PTPRR: variants seen among roughly 807,000 people sequenced by gnomAD.
PTPRR encodes protein tyrosine phosphatase receptor type R.
PTPRR carries 38 observed loss-of-function variants against 77.2 expected under a neutral mutation model. The ratio of observed to expected loss-of-function variants is 0.49; its 90% confidence interval spans 0.38 to 0.65. The LOEUF is 0.65. Ranked by LOEUF, PTPRR falls within the 30% of genes least tolerant of loss-of-function variation. PTPRR has a pLI of 0.00. For synonymous variants in PTPRR, 299 were observed against 283.1 expected, an observed-to-expected ratio of 1.06 and a Z score of -0.57; for missense variants, 744 against 799.2, an observed-to-expected ratio of 0.93 and a Z score of 0.83.
intron 2 of PTPRR, among the ~76,000 whole-genome samples, chr12:70,840,810 C>A (rs1247966407): frequency 6.6e-6 from 1 of 151,962 alleles, no homozygotes; most frequent in African/African-American, 2.4e-5. Flanking sequence ...CACTGAATTG[C>A]AAGGAGGTAA....
intron 2 of PTPRR, among the ~76,000 whole-genome samples, chr12:70,798,868 G>A (rs564016855): frequency 6.6e-6 from 1 of 150,814 alleles, no homozygotes; most frequent in African/African-American, 2.4e-5. Context: ...TTAGCTCTTT[G>A]AGGAGTAAGC....
At chr12:70,793,683 C>T (rs1057348801) in intron 2 of PTPRR, among the ~76,000 whole-genome samples, 5 of 152,160 alleles carry the variant, frequency 3.3e-5, no homozygotes, top group Admixed American at 2.6e-4. Flanking sequence ...TTCCATCAAA[C>T]GAGGGTAATT....
rs555225471 is a variant in PTPRR, at chr12:70,729,580, C to T, written c.1007+16238G>A. On this transcript the variant is annotated intron_variant, in intron 6 of 13. Coordinates refer to ENST00000283228, the MANE Select transcript of PTPRR (RefSeq NM_002849.4). Reference sequence around the variant, plus strand: ...CTATATTTTTGGCCTTTTGAGAGGCCCCCAGCTCTAAAATATTAACACTTA... The same window carrying T: ...CTATATTTTTGGCCTTTTGAGAGGCTCCCAGCTCTAAAATATTAACACTTA... Among the ~76,000 whole-genome samples, 12 of 152,100 alleles carry T rather than the reference C, an allele frequency of 7.9e-5. No homozygotes were observed. In the Middle Eastern group the frequency reaches 0.01, roughly 129 times the overall value.
intron 12 of PTPRR, among the ~76,000 whole-genome samples, chr12:70,659,766 G>A (rs1363328391): frequency 6.6e-6 from 1 of 152,092 alleles, no homozygotes; most frequent in Non-Finnish European, 1.5e-5. Context: ...CTCAAAAAAG[G>A]AGGCTAAAAT....
chr12:70,893,039 A>G (rs1893366763), intron 1 of PTPRR, 62 bp from the exon 2 acceptor site: 2 of 1,520,372 alleles, frequency 1.3e-6, no homozygotes, highest in Admixed American at 1.8e-5. Flanking sequence ...AGGTAGATAT[A>G]TCTGATGAAG....
At chr12:70,687,100 C>T (rs758470156) in intron 8 of PTPRR, among the ~76,000 whole-genome samples, 20 of 151,834 alleles carry the variant, frequency 1.3e-4, no homozygotes, top group African/African-American at 2.4e-4. Context: ...AATTCTATAA[C>T]GTACATACTG....
chr12:70,889,328 C>T (rs185136644), intron 2 of PTPRR, among the ~76,000 whole-genome samples: 18 of 152,204 alleles, frequency 1.2e-4, no homozygotes, highest in East Asian at 9.7e-4. Flanking sequence ...ATGAGAAAGC[C>T]GGACTTTCAA....
rs7298378 is a variant in PTPRR, at chr12:70,680,604, A to T, written c.1497+3523T>A. On this transcript the variant is annotated intron_variant, in intron 10 of 13. Transcript: ENST00000283228. ...ACTTGGCTGGTGAGCACAAGAACAAATCCACTGGTTAAGGTGGGGACCCGC... is the reference window on the plus strand; with the variant it reads ...ACTTGGCTGGTGAGCACAAGAACAATTCCACTGGTTAAGGTGGGGACCCGC... Among the ~76,000 whole-genome samples the T allele has an allele frequency of 2.2e-4, 33 of 152,104 alleles. No homozygotes were observed. The South Asian group carries it at 6.0e-3, about 28-fold the overall frequency.
At chr12:70,651,620 A>G (rs1886398534) in intron 13 of PTPRR, among the ~76,000 whole-genome samples, 2 of 152,156 alleles carry the variant, frequency 1.3e-5, no homozygotes, top group African/African-American at 4.8e-5. Context: ...TGTTTTTAAG[A>G]GGTGGAGTTT....
At chr12:70,859,016 G>A (rs1416098133) in intron 2 of PTPRR, among the ~76,000 whole-genome samples, 1 of 150,934 alleles carries the variant, frequency 6.6e-6, no homozygotes, top group Non-Finnish European at 1.5e-5. Context: ...TTAAATAAAT[G>A]GCACCAAAGG....
chr12:70,670,987 T>C (rs1257553111), intron 10 of PTPRR, among the ~76,000 whole-genome samples: 2 of 152,250 alleles, frequency 1.3e-5, no homozygotes, highest in Non-Finnish European at 1.5e-5. Context: ...AAATAAGAGA[T>C]GGCAATTATT....
At chr12:70,909,862 C>T (rs1299946313) in intron 1 of PTPRR, among the ~76,000 whole-genome samples, 2 of 152,118 alleles carry the variant, frequency 1.3e-5, no homozygotes, top group Non-Finnish European at 2.9e-5. Flanking sequence ...GGCAGTGCCT[C>T]TGGTGGTTAG....
intron 1 of PTPRR, among the ~76,000 whole-genome samples, chr12:70,900,308 C>A (rs756757285): frequency 1.4e-4 from 21 of 151,344 alleles, no homozygotes; most frequent in Admixed American, 2.0e-4. Flanking sequence ...ACAAACAGAT[C>A]AATGGTGCAA....
At chr12:70,662,751 C>A (rs1886842418) in intron 10 of PTPRR, 146 bp from the exon 11 acceptor site, 1 of 523,206 alleles carries the variant, frequency 1.9e-6, no homozygotes. Context: ...TATACTAAAA[C>A]CATTGAATTG....
chr12:70,763,170 C>G (rs940831939), intron 3 of PTPRR, among the ~76,000 whole-genome samples: 19 of 151,548 alleles, frequency 1.3e-4, no homozygotes, highest in African/African-American at 4.6e-4. Flanking sequence ...CTCTTGTTGT[C>G]CAGGCTGGAG....
chr12:70,685,270 G>C lies in PTPRR; in HGVS notation c.1280-487C>G, dbSNP rs376842759. On this transcript the variant is annotated intron_variant, in intron 8 of 13. Coordinates refer to ENST00000283228, the MANE Select transcript of PTPRR (RefSeq NM_002849.4). ...TCTCCTGATCTTCCGAGATGGATGA[G>C]ATTAATAATCTATTACGTGCTATCT... 5.3e-5 allele frequency among the ~76,000 whole-genome samples: 8 copies of C among 152,178 alleles called. No individual in the cohort carries two copies. In the East Asian group the frequency reaches 1.4e-3, roughly 26 times the overall value.
At chr12:70,672,321 A>G in intron 10 of PTPRR, 3 of 1,566,766 alleles carry the variant, frequency 1.9e-6, no homozygotes, top group Non-Finnish European at 2.6e-6. Flanking sequence ...AACTTCAGCA[A>G]GTTTGCCAAC....
At chr12:70,811,779 A>C (rs1436264190) in intron 2 of PTPRR, among the ~76,000 whole-genome samples, 1 of 152,210 alleles carries the variant, frequency 6.6e-6, no homozygotes, top group Middle Eastern at 3.2e-3. Context: ...GATGAAGGGC[A>C]GAGAGGTCAG....
chr12:70,832,382 C>T (rs1892228496), intron 2 of PTPRR, among the ~76,000 whole-genome samples: 1 of 152,106 alleles, frequency 6.6e-6, no homozygotes, highest in South Asian at 2.1e-4. Context: ...AATGTACAAT[C>T]TTCTGATTTT....
Sources: allele counts gnomAD v4.1 joint callset (sites outside exome capture counted in the v4.1 genomes callset), GRCh38; gene constraint gnomAD v4.1.1; transcripts MANE v1.5; gene names NCBI Gene and HGNC (gene_info 2026-07-23, HGNC 2026-07-21).